The following TAPBPL variants were observed in gnomAD, a reference collection of about 807,000 sequenced individuals.
TAPBPL encodes TAP binding protein like.
Under a neutral mutation model 44.8 loss-of-function variants are expected in TAPBPL, and 32 were observed. That is an observed-to-expected ratio of 0.71 (90% CI 0.54 to 0.96). The LOEUF (loss-of-function observed/expected upper bound fraction) is 0.96, where lower values mean the gene tolerates loss of function less well. Ranked by LOEUF, TAPBPL falls within the 40% of genes least tolerant of loss-of-function variation. The pLI, the probability that TAPBPL is intolerant of heterozygous loss-of-function variation, is 0.00. For synonymous variants in TAPBPL, 230 were observed against 240.7 expected, an observed-to-expected ratio of 0.96 and a Z score of 0.41; for missense variants, 520 against 586.6, an observed-to-expected ratio of 0.89 and a Z score of 1.17.
At chr12:6,457,290 C>A in intron 3 of TAPBPL, 116 bp from the exon 4 acceptor site, 1 of 963,426 alleles carries the variant, frequency 1.0e-6, no homozygotes, top group Non-Finnish European at 1.5e-6. Context: ...TAAGCTCAAC[C>A]GGCCTGTCAG....
intron 3 of TAPBPL, among the ~76,000 whole-genome samples, chr12:6,454,520 C>A (rs1043085838): frequency 3.3e-5 from 5 of 152,138 alleles, no homozygotes; most frequent in African/African-American, 1.2e-4. Flanking sequence ...TGCTTCGCAG[C>A]CCCTACCTGA....
Position 6,458,815 on chromosome 12 carries a change from G to A in TAPBPL, c.1075G>A (p.Val359Met), listed in dbSNP as rs201652611. The A allele has an allele frequency of 2.7e-4, 431 of 1,614,150 alleles. 1 individual carries two copies. The Admixed American group carries it at 4.4e-3, about 16-fold the overall frequency. The change falls in exon 5 of 7, where the codon GTG becomes ATG. Residue 359 changes from valine (V) to methionine (M), a missense_variant. Coordinates refer to ENST00000266556, the MANE Select transcript of TAPBPL (RefSeq NM_018009.5). ...CTCCTTCTCCAGCCTCAGGCAAAGC[G>A]TGGCAGGCACCTACAGCATCTCCTC... ...GASFSSLRQS[V>M]AGTYSISSSL...
At chr12:6,469,004 T>C (rs935812908), downstream of TAPBPL, among the ~76,000 whole-genome samples, 5 of 152,304 alleles carry the variant, frequency 3.3e-5, no homozygotes, top group African/African-American at 1.2e-4. Flanking sequence ...ACAATAGAAC[T>C]AATACCCAGA....
Position 6,462,061 on chromosome 12 carries a change from C to A in TAPBPL, c.1319C>A (p.Ala440Asp). The A allele has an allele frequency of 6.2e-7, 1 of 1,613,748 alleles. No individual in the cohort carries two copies. The highest frequency in any genetic ancestry group is 8.5e-7 in the Non-Finnish European group (1 of 1,179,654). The change falls in exon 7 of 7, where the codon GCT becomes GAT. Residue 440 changes from alanine (A) to aspartate (D), a missense_variant. Coordinates refer to ENST00000266556, the MANE Select transcript of TAPBPL (RefSeq NM_018009.5). ...QAPTGLGLLQ[A>D]ERWETTSCAD... is the part of the protein sequence containing the mutation. ...CCTACAGGACTTGGGCTGCTTCAGG[C>A]TGAACGCTGGGAGACCACTTCCTGT...
chr12:6,454,949 C>G (rs529312496), intron 3 of TAPBPL, among the ~76,000 whole-genome samples: 1 of 152,126 alleles, frequency 6.6e-6, no homozygotes, highest in Non-Finnish European at 1.5e-5. Context: ...AACCCCAGAA[C>G]ACTCTAACCT....
Position 6,457,346 on chromosome 12 carries a change from A to C in TAPBPL, c.566-60A>C, listed in dbSNP as rs972158285. On this transcript the variant is annotated intron_variant, in intron 3 of 6. Transcript: ENST00000266556. ...TGCCCACAACATGCCCACAGCTTGG[A>C]GATCAGGTGACCTCAAGGAGGAAGT... 8.5e-6 allele frequency: 13 copies of C among 1,522,128 alleles called. No individual in the cohort carries two copies. In the East Asian group the frequency reaches 2.7e-4, roughly 32 times the overall value. The allele number at this position is 1,522,128 out of a possible 1,614,324, so 94.3% of individuals were successfully genotyped here. A position where few individuals can be genotyped will look rare whatever the true frequency, so the allele number is the denominator to read the frequency against.
At chr12:6,459,022 C>A in intron 5 of TAPBPL, 75 bp downstream of exon 5, 1 of 1,493,206 alleles carries the variant, frequency 6.7e-7, no homozygotes, top group Non-Finnish European at 9.1e-7. Flanking sequence ...CATCTATGGC[C>A]TTGTTCTGCT....
downstream of TAPBPL, chr12:6,463,825 GCCTC>G (rs1592145047): frequency 1.6e-6 from 2 of 1,218,380 alleles, no homozygotes; most frequent in East Asian, 1.1e-4. The surrounding 1 kb of genome is among the most constrained non-coding windows in gnomAD (Gnocchi z 4.0). Flanking sequence ...TGTTCTCCAG[GCCTC>G]TGGAGAACAA....
Position 6,453,399 on chromosome 12 carries a change from G to C in TAPBPL, c.296-48G>C. ...CACATACTGCCTCCCGTTGGCCCTGGTGTTCTCACGCTAATTTGCCCTCTG... is the reference window on the plus strand; with the variant it reads ...CACATACTGCCTCCCGTTGGCCCTGCTGTTCTCACGCTAATTTGCCCTCTG... On this transcript the variant is annotated intron_variant, in intron 2 of 6. Coordinates refer to ENST00000266556, the MANE Select transcript of TAPBPL (RefSeq NM_018009.5). The surrounding 1 kb of genome is among the most constrained non-coding windows in gnomAD (Gnocchi z 4.8). 1 of 1,610,216 alleles carries C rather than the reference G, an allele frequency of 6.2e-7. No homozygotes were observed. The highest frequency in any genetic ancestry group is 1.7e-5 in the Admixed American group (1 of 59,892).
At chr12:6,465,365 T>C (rs1414319922), downstream of TAPBPL, 1 of 142,416 alleles carries the variant, frequency 7.0e-6, no homozygotes, top group Non-Finnish European at 1.4e-5. Flanking sequence ...AAAGTATATA[T>C]ATATATAAAT....
chr12:6,471,401 C>G (rs1213111875), downstream of TAPBPL, among the ~76,000 whole-genome samples: 1 of 152,166 alleles, frequency 6.6e-6, no homozygotes, highest in Non-Finnish European at 1.5e-5. This position sits in a 1 kb window ranked among gnomAD's most constrained non-coding sequence, Gnocchi z 4.0. Flanking sequence ...TACCTCTCCC[C>G]CAGTAATCTG....
Position 6,453,363 on chromosome 12 carries a change from G to T in TAPBPL, c.295+66G>T, listed in dbSNP as rs189877599. On this transcript the variant is annotated intron_variant, in intron 2 of 6. Coordinates refer to ENST00000266556, the MANE Select transcript of TAPBPL (RefSeq NM_018009.5). The surrounding 1 kb of genome is among the most constrained non-coding windows in gnomAD (Gnocchi z 4.8). ...CCTCCACCAGGACAGCCCAGGTCCC[G>T]ATTACAGCCACACATACTGCCTCCC... 6.8e-6 allele frequency: 11 copies of T among 1,608,808 alleles called. 1 individual carries two copies. The South Asian group carries it at 1.2e-4, about 18-fold the overall frequency.
In TAPBPL at chr12:6,460,951, G is replaced by C. The variant is rs780894810; in HGVS notation, c.1291+13G>C. ...CAGAGACGGCAAGGTAAGAGCCTGGGTGCCCTTGGCTCTGGCCCTGGCCCA... is the reference window on the plus strand; with the variant it reads ...CAGAGACGGCAAGGTAAGAGCCTGGCTGCCCTTGGCTCTGGCCCTGGCCCA... On this transcript the variant is annotated intron_variant, in intron 6 of 6. Transcript: ENST00000266556. 1 of 1,614,016 alleles carries C rather than the reference G, an allele frequency of 6.2e-7. No individual in the cohort carries two copies. The highest frequency in any genetic ancestry group is 1.7e-5 in the Admixed American group (1 of 60,024).
chr12:6,460,498 C>T (rs992400548), intron 5 of TAPBPL, among the ~76,000 whole-genome samples: 20 of 152,176 alleles, frequency 1.3e-4, no homozygotes, highest in African/African-American at 3.6e-4. Context: ...AACTCCTGAC[C>T]TCAGGTGATC....
chr12:6,463,400 C>T, downstream of TAPBPL: 1 of 1,061,248 alleles, frequency 9.4e-7, no homozygotes, highest in South Asian at 2.9e-5. The surrounding 1 kb of genome is among the most constrained non-coding windows in gnomAD (Gnocchi z 4.0). Flanking sequence ...GAACCACTTG[C>T]CTCATCCCTG....
chr12:6,457,154 G>A (rs1008303371), intron 3 of TAPBPL, among the ~76,000 whole-genome samples: 1 of 152,192 alleles, frequency 6.6e-6, no homozygotes. Context: ...TATTTTTCCT[G>A]GTGGGAGATC....
chr12:6,463,961 T>C (rs921392917), downstream of TAPBPL: 5 of 1,290,108 alleles, frequency 3.9e-6, no homozygotes, highest in Non-Finnish European at 5.1e-6. This position sits in a 1 kb window ranked among gnomAD's most constrained non-coding sequence, Gnocchi z 4.0. Context: ...TGGACTTTGG[T>C]CCACCCCCAG....
chr12:6,460,292 G>T (rs898426739), intron 5 of TAPBPL, among the ~76,000 whole-genome samples: 1 of 150,262 alleles, frequency 6.7e-6, no homozygotes, highest in Non-Finnish European at 1.5e-5. Flanking sequence ...TTGAGATAGG[G>T]TCTCACTCTG....
chr12:6,456,610 C>G (rs559787279), intron 3 of TAPBPL, among the ~76,000 whole-genome samples: 2 of 151,854 alleles, frequency 1.3e-5, no homozygotes, highest in African/African-American at 4.8e-5. Context: ...GTGATCCACC[C>G]GCCTGGGCTT....
Sources: allele counts gnomAD v4.1 joint callset (sites outside exome capture counted in the v4.1 genomes callset), GRCh38; gene constraint gnomAD v4.1.1; non-coding constraint Gnocchi (gnomAD v3.1); transcripts MANE v1.5; gene names NCBI Gene and HGNC (gene_info 2026-07-23, HGNC 2026-07-21).